Variants in VPS13B observed in about 807,000 individuals in gnomAD.
VPS13B encodes the protein intermembrane lipid transfer protein VPS13B.
A neutral mutation model predicts 426.4 loss-of-function variants in VPS13B; 285 were observed. The ratio of observed to expected loss-of-function variants is 0.67; its 90% CI spans 0.61 to 0.74. The LOEUF (loss-of-function observed/expected upper bound fraction) is 0.74, where lower values mean the gene tolerates loss of function less well. VPS13B is among the 30% of genes least tolerant of loss of function. VPS13B has a pLI of 0.00. For synonymous variants in VPS13B, 1,676 were observed against 1,676.4 expected (o/e 1.00, Z 0.01); for missense variants, 4,537 against 4,782.6 (o/e 0.95, Z 1.51).
intron 36 of VPS13B, among the ~76,000 whole-genome samples, chr8:99,705,549 CTGTT>C (rs1291530126): frequency 6.6e-6 from 1 of 151,920 alleles, no homozygotes; most frequent in African/African-American, 2.4e-5. Flanking sequence ...AAAATTATGA[CTGTT>C]TGACATTTAA....
At chr8:99,314,578 G>A (rs1821204243) in intron 19 of VPS13B, among the ~76,000 whole-genome samples, 1 of 152,108 alleles carries the variant, frequency 6.6e-6, no homozygotes, top group African/African-American at 2.4e-5. Flanking sequence ...AGCCTCTCAA[G>A]TAGCTGGGAC....
chr8:99,045,669 A>G (rs1320739094), intron 3 of VPS13B, among the ~76,000 whole-genome samples: 1 of 152,184 alleles, frequency 6.6e-6, no homozygotes, highest in Non-Finnish European at 1.5e-5. Flanking sequence ...TAGAATTTTT[A>G]TAGTTTCAGG....
chr8:99,694,848 C>T (rs1264284318), intron 35 of VPS13B, among the ~76,000 whole-genome samples: 1 of 151,946 alleles, frequency 6.6e-6, no homozygotes, highest in Non-Finnish European at 1.5e-5. Flanking sequence ...AACAAATTTA[C>T]AAGAAAAAAA....
intron 35 of VPS13B, among the ~76,000 whole-genome samples, chr8:99,677,986 C>T (rs544187546): frequency 1.3e-5 from 2 of 152,120 alleles, no homozygotes; most frequent in Admixed American, 1.3e-4. Flanking sequence ...TATCCCTGTA[C>T]AATAGTCTCT....
At chr8:99,054,002 C>T (rs1375501661) in intron 3 of VPS13B, among the ~76,000 whole-genome samples, 1 of 152,192 alleles carries the variant, frequency 6.6e-6, no homozygotes, top group African/African-American at 2.4e-5. Flanking sequence ...CCACGCCCAG[C>T]CCAGGGTTTC....
intron 15 of VPS13B, among the ~76,000 whole-genome samples, chr8:99,168,881 A>C (rs943037308): frequency 6.6e-6 from 1 of 152,016 alleles, no homozygotes; most frequent in African/African-American, 2.4e-5. Flanking sequence ...ATTTTAAAAA[A>C]TGTTTTATTT....
chr8:99,819,135 G>C (rs556275421), intron 47 of VPS13B, among the ~76,000 whole-genome samples: 1 of 152,064 alleles, frequency 6.6e-6, no homozygotes, highest in East Asian at 1.9e-4. Context: ...TAACCAGCAG[G>C]GATCATCAGA....
At chr8:99,379,840 T>A (rs1813696365) in intron 19 of VPS13B, among the ~76,000 whole-genome samples, 1 of 152,212 alleles carries the variant, frequency 6.6e-6, no homozygotes, top group South Asian at 2.1e-4. Flanking sequence ...GGGGCTCATT[T>A]GACAGAAAGA....
intron 30 of VPS13B, among the ~76,000 whole-genome samples, chr8:99,536,315 A>G (rs1823221213): frequency 6.6e-6 from 1 of 152,182 alleles, no homozygotes; most frequent in Non-Finnish European, 1.5e-5. Context: ...CAAATAATAT[A>G]TTATCCACTC....
chr8:99,831,505 C>T (rs1815058648), intron 51 of VPS13B, among the ~76,000 whole-genome samples: 1 of 152,206 alleles, frequency 6.6e-6, no homozygotes, highest in African/African-American at 2.4e-5. Context: ...CTCCTGCTTT[C>T]AGCTCCTAAA....
chr8:99,818,693 C>T lies in VPS13B; in HGVS notation c.8446-20C>T. ...CAACAAAGCAAATATGAAAGTTGTTCTATCCTTTTATTTTTATAGATTGTG... is the reference window on the plus strand; with the variant it reads ...CAACAAAGCAAATATGAAAGTTGTTTTATCCTTTTATTTTTATAGATTGTG... On this transcript the variant is annotated intron_variant, in intron 46 of 61. Coordinates refer to ENST00000357162, the MANE Select transcript of VPS13B (RefSeq NM_152564.5). The T allele has an allele frequency of 6.2e-7, 1 of 1,613,212 alleles. No homozygotes were observed. Among genetic ancestry groups the T allele is most frequent in the Non-Finnish European group, 8.5e-7 (1 of 1,179,680 alleles).
intron 19 of VPS13B, among the ~76,000 whole-genome samples, chr8:99,311,477 G>T (rs1470229983): frequency 6.6e-6 from 1 of 152,208 alleles, no homozygotes; most frequent in Non-Finnish European, 1.5e-5. Context: ...TAGTTGAGTG[G>T]TTCTGAGTGA....
chr8:99,233,405 C>T lies in VPS13B; in HGVS notation c.2515+40348C>T, dbSNP rs1816457729. The stretch of plus-strand genomic sequence containing the variant: ...CCCTGGGCCTTGATGGAGGCTCTGG[C>T]GAGTCTTGCCAGCTGTTTGATGTGT... On this transcript the variant is annotated intron_variant, in intron 17 of 61. Transcript: ENST00000357162. 13 of 1,150,880 alleles carry T rather than the reference C, an allele frequency of 1.1e-5. No individual in the cohort carries two copies. The East Asian group carries it at 1.9e-4, about 17-fold the overall frequency. 71.3% of individuals were successfully genotyped at this position (1,150,880 alleles called of 1,614,324 possible). A position where few individuals can be genotyped will look rare whatever the true frequency, so the allele number is the denominator to read the frequency against.
chr8:99,470,565 C>T (rs1819348224), intron 24 of VPS13B, among the ~76,000 whole-genome samples: 1 of 151,934 alleles, frequency 6.6e-6, no homozygotes, highest in Non-Finnish European at 1.5e-5. Flanking sequence ...AGTTACTAAA[C>T]TTGAACATAG....
In VPS13B at chr8:99,599,430, A is replaced by G. The variant is rs185800852; in HGVS notation, c.5220+21797A>G. 6.7e-3 allele frequency among the ~76,000 whole-genome samples: 1,017 copies of G among 152,204 alleles called. 9 individuals carry two copies. The highest frequency in any genetic ancestry group is 0.023 in the African/African-American group (959 of 41,548). On this transcript the variant is annotated intron_variant, in intron 33 of 61. Transcript: ENST00000357162. Reference sequence around the variant, plus strand: ...TTGTGACACACAAAAATATTTGTGCAGAAGGAGGAAAGTCCTAGGAAAATC... The same window carrying G: ...TTGTGACACACAAAAATATTTGTGCGGAAGGAGGAAAGTCCTAGGAAAATC...
intron 33 of VPS13B, among the ~76,000 whole-genome samples, chr8:99,629,383 A>G (rs1432427578): frequency 6.6e-6 from 1 of 152,224 alleles, no homozygotes; most frequent in Non-Finnish European, 1.5e-5. Context: ...CAAGATTTAC[A>G]GAAGTGGATA....
chr8:99,410,135 T>C (rs531640853), intron 21 of VPS13B, among the ~76,000 whole-genome samples: 56 of 152,274 alleles, frequency 3.7e-4, no homozygotes, highest in Middle Eastern at 3.4e-3. Context: ...TATTGAAAAA[T>C]TTAAAAATTT....
chr8:99,017,164 T>C (rs1841666888), intron 2 of VPS13B, among the ~76,000 whole-genome samples: 1 of 152,214 alleles, frequency 6.6e-6, no homozygotes, highest in Non-Finnish European at 1.5e-5. Context: ...CTCAAATTTT[T>C]TTTCTGCATA....
intron 41 of VPS13B, among the ~76,000 whole-genome samples, chr8:99,777,607 G>T (rs1037831244): frequency 2.0e-4 from 30 of 152,200 alleles, no homozygotes; most frequent in African/African-American, 6.3e-4. Context: ...AAATATGTCT[G>T]TTCTTGTTCA....
Sources: gnomAD v4.1 joint callset for allele counts (sites outside exome capture counted in the v4.1 genomes callset) on GRCh38, gnomAD v4.1.1 for gene constraint, MANE v1.5 for transcripts, NCBI Gene and HGNC (gene_info 2026-07-23, HGNC 2026-07-21) for gene names.